Variants in NXPE1 observed in about 807,000 individuals in gnomAD.
NXPE1 encodes NXPE family member 1.
Under a neutral mutation model 33.3 loss-of-function variants are expected in NXPE1, and 31 were observed. That is an observed-to-expected ratio of 0.93 (90% CI 0.70 to 1.26). NXPE1 has a LOEUF of 1.26. Among genes scored for constraint, NXPE1 ranks in the 50% most tolerant of loss-of-function variants. NXPE1 has a pLI of 0.00. For missense variants in NXPE1, 661 were observed against 655.6 expected (o/e 1.01, Z -0.09); for synonymous variants, 229 against 231.4 (o/e 0.99, Z 0.09).
chr11:114,558,334 A>G (rs1285989912), intron 1 of NXPE1, among the ~76,000 whole-genome samples: 3 of 152,138 alleles, frequency 2.0e-5, no homozygotes, highest in Non-Finnish European at 4.4e-5. Flanking sequence ...GTGCTTTTAT[A>G]TAGGCACACA....
At chr11:114,548,776 A>G (rs1048022643) in intron 5 of NXPE1, among the ~76,000 whole-genome samples, 1 of 151,956 alleles carries the variant, frequency 6.6e-6, no homozygotes, top group African/African-American at 2.4e-5. Context: ...AATCAAAAGA[A>G]AGAAAAAGGT....
chr11:114,554,576 A>G (rs1464606783), intron 1 of NXPE1, among the ~76,000 whole-genome samples: 9 of 152,218 alleles, frequency 5.9e-5, no homozygotes, highest in Non-Finnish European at 1.0e-4. Flanking sequence ...GTCAAATAGC[A>G]TTTTTTAATT....
At chr11:114,545,052 A>T (rs1482768306) in intron 5 of NXPE1, among the ~76,000 whole-genome samples, 2 of 152,224 alleles carry the variant, frequency 1.3e-5, no homozygotes, top group Non-Finnish European at 2.9e-5. Context: ...TTTAAAAAAA[A>T]ACCTGACAAT....
exon 7 of NXPE1, chr11:114,527,874 C>A: frequency 6.2e-7 from 1 of 1,605,376 alleles, no homozygotes; most frequent in South Asian, 1.1e-5. Flanking sequence ...GTTTACGATC[C>A]TTCATCATTT....
intron 5 of NXPE1, among the ~76,000 whole-genome samples, chr11:114,533,053 T>G (rs12282561): frequency 0.16 from 24,762 of 152,078 alleles, 2,235 homozygotes; most frequent in South Asian, 0.23. Context: ...TTAACTGAAT[T>G]AATGTTCAAC....
chr11:114,527,775 AT>A, intron 7 of NXPE1, 64 bp downstream of exon 7: 2 of 1,086,440 alleles, frequency 1.8e-6, no homozygotes, highest in Non-Finnish European at 2.7e-6. Flanking sequence ...AACTACAATT[AT>A]TTAGGTTAAT....
Position 114,521,972 on chromosome 11 carries a change from C to A in NXPE1, c.1640G>T (p.Cys547Phe), listed in dbSNP as rs79916924. ...ATTTTGTATAGTATTTATCCCTTAG[C>A]AAATGTAGTTTAAGAACATGTTAAT... Residue 547 changes from cysteine to phenylalanine, a missense_variant, in exon 9 of 9, where the codon TGC (cysteine) becomes TTC (phenylalanine). Cys to Phe is a radical substitution (Grantham distance 205). Coordinates refer to ENST00000534921, the Ensembl canonical transcript of NXPE1. 6.0e-4 allele frequency: 964 copies of A among 1,607,022 alleles called. 5 individuals carry two copies. Among genetic ancestry groups the A allele is most frequent in the East Asian group, 2.4e-3 (107 of 44,774 alleles).
chr11:114,519,922 C>T (rs548815941), downstream of NXPE1, among the ~76,000 whole-genome samples: 7 of 151,698 alleles, frequency 4.6e-5, no homozygotes, highest in South Asian at 8.3e-4. Flanking sequence ...GACAGAGTCT[C>T]GCTCTGTAGC....
chr11:114,530,495 G>A (rs748977507), exon 6 of NXPE1: 3 of 1,613,830 alleles, frequency 1.9e-6, no homozygotes, highest in East Asian at 4.5e-5. Context: ...GGCCCTCCCA[G>A]AACAGAGTGA....
At chr11:114,528,436 G>A (rs1356490353) in intron 6 of NXPE1, among the ~76,000 whole-genome samples, 1 of 152,100 alleles carries the variant, frequency 6.6e-6, no homozygotes, top group Non-Finnish European at 1.5e-5. Context: ...TTATCAGAGG[G>A]CCTCTGCTTC....
intron 3 of NXPE1, 143 bp downstream of exon 3, chr11:114,551,831 G>C (rs553210498): frequency 1.3e-5 from 2 of 152,398 alleles, no homozygotes; most frequent in East Asian, 3.9e-4. Flanking sequence ...GACAATGAGG[G>C]AGAGAGATGG....
intron 5 of NXPE1, among the ~76,000 whole-genome samples, chr11:114,545,642 T>C (rs1013459978): frequency 2.0e-5 from 3 of 151,930 alleles, no homozygotes; most frequent in Non-Finnish European, 4.4e-5. Flanking sequence ...CTGTTGTGTA[T>C]ACATGAAACT....
intron 7 of NXPE1, among the ~76,000 whole-genome samples, chr11:114,523,903 T>A (rs1029753177): frequency 6.6e-6 from 1 of 152,338 alleles, no homozygotes; most frequent in African/African-American, 2.4e-5. Context: ...GGAAACCAGT[T>A]TGAATGCTGT....
chr11:114,546,614 C>T (rs886753806), intron 5 of NXPE1, among the ~76,000 whole-genome samples: 3 of 151,722 alleles, frequency 2.0e-5, no homozygotes, highest in Non-Finnish European at 2.9e-5. Flanking sequence ...TATTTCTGAG[C>T]GCTGTCTTCT....
intron 5 of NXPE1, among the ~76,000 whole-genome samples, chr11:114,541,414 C>T (rs1276907651): frequency 6.6e-6 from 1 of 152,174 alleles, no homozygotes; most frequent in Non-Finnish European, 1.5e-5. Context: ...TAAGAAATCT[C>T]AGCAAGGATG....
chr11:114,519,788 T>A (rs532242195), downstream of NXPE1, among the ~76,000 whole-genome samples: 2 of 152,282 alleles, frequency 1.3e-5, no homozygotes, highest in South Asian at 2.1e-4. Flanking sequence ...TTTTATTGCA[T>A]ACATTTAAGG....
intron 1 of NXPE1, among the ~76,000 whole-genome samples, chr11:114,554,668 C>G (rs1163243839): frequency 6.6e-6 from 1 of 152,126 alleles, no homozygotes; most frequent in Non-Finnish European, 1.5e-5. Flanking sequence ...AGTGATATTT[C>G]AAGATTCTTT....
At chr11:114,549,700 T>A (rs1598468) in intron 5 of NXPE1, among the ~76,000 whole-genome samples, 34,611 of 151,942 alleles carry the variant, frequency 0.23, 5,581 homozygotes, top group African/African-American at 0.45. Flanking sequence ...ATCTCATTAC[T>A]TTCAACATTG....
At chr11:114,534,858 C>G (rs1224875916) in intron 5 of NXPE1, among the ~76,000 whole-genome samples, 1 of 152,206 alleles carries the variant, frequency 6.6e-6, no homozygotes, top group African/African-American at 2.4e-5. Flanking sequence ...AAACACTCTG[C>G]AGGATATTAT....
Sources: allele counts gnomAD v4.1 joint callset (sites outside exome capture counted in the v4.1 genomes callset), GRCh38; gene constraint gnomAD v4.1.1; transcripts MANE v1.5; gene names NCBI Gene and HGNC (gene_info 2026-07-23, HGNC 2026-07-21).